GLG1: variants seen among roughly 807,000 people sequenced by gnomAD.
GLG1 encodes Golgi apparatus protein 1.
In GLG1, 38 loss-of-function variants were observed where a neutral mutation model predicts 160.5. The observed-to-expected ratio is 0.24, with a 90% confidence interval of 0.18 to 0.31. The LOEUF is 0.31. Ranked by LOEUF, GLG1 falls within the 10% of genes least tolerant of loss-of-function variation. GLG1 has a pLI of 1.00. For synonymous variants in GLG1, 644 were observed against 543.4 expected (o/e 1.19, Z -2.57); for missense variants, 1,373 against 1,505.2 (o/e 0.91, Z 1.45).
chr16:74,531,162 C>T (rs539018824), intron 2 of GLG1, among the ~76,000 whole-genome samples: 1 of 152,070 alleles, frequency 6.6e-6, no homozygotes, highest in Non-Finnish European at 1.5e-5. Flanking sequence ...TTGTACTTGA[C>T]TTACCTAGGT....
At chr16:74,567,610 G>A (rs1284580439) in intron 1 of GLG1, among the ~76,000 whole-genome samples, 9 of 138,810 alleles carry the variant, frequency 6.5e-5, no homozygotes, top group South Asian at 2.3e-4. Flanking sequence ...CGCCCAGGTC[G>A]GACTGCGGAC....
chr16:74,562,806 G>T (rs901702273), intron 1 of GLG1, among the ~76,000 whole-genome samples: 4 of 152,088 alleles, frequency 2.6e-5, no homozygotes, highest in Non-Finnish European at 5.9e-5. Context: ...CACCCACTGA[G>T]GACATTCAAA....
At chr16:74,597,919 G>A (rs996261116) in intron 1 of GLG1, among the ~76,000 whole-genome samples, 2 of 150,582 alleles carry the variant, frequency 1.3e-5, no homozygotes, top group Non-Finnish European at 3.0e-5. Flanking sequence ...ATGAGGCTGA[G>A]GCAGGAGAAT....
At chr16:74,554,276 G>A (rs1318506511) in intron 1 of GLG1, among the ~76,000 whole-genome samples, 1 of 152,242 alleles carries the variant, frequency 6.6e-6, no homozygotes, top group Non-Finnish European at 1.5e-5. Context: ...ACTCACGCCT[G>A]TAATCTCAGA....
chr16:74,583,515 G>A (rs964888643), intron 1 of GLG1, among the ~76,000 whole-genome samples: 2 of 152,062 alleles, frequency 1.3e-5, no homozygotes, highest in African/African-American at 4.8e-5. Context: ...TAGTAGCTGG[G>A]ATTACAGGCG....
chr16:74,459,699 T>G lies in GLG1; in HGVS notation c.3127A>C (p.Thr1043Pro). ...GTGGTTACCTTTTTACACAATTCTGTTTTGATCTTGAGCAGGTTGACCTTG... is the reference window on the plus strand; with the variant it reads ...GTGGTTACCTTTTTACACAATTCTGGTTTGATCTTGAGCAGGTTGACCTTG... ...CLKVNLLKIK[T>P]ELCKKEVLNM... The change falls in exon 23 of 26, where the codon ACA becomes CCA. Residue 1043 changes from threonine to proline, a missense_variant. Coordinates refer to ENST00000422840, the MANE Select transcript of GLG1 (RefSeq NM_001145667.2). 1 of 1,572,140 alleles carries G rather than the reference T, an allele frequency of 6.4e-7. No homozygotes were observed. The highest frequency in any genetic ancestry group is 8.7e-7 in the Non-Finnish European group (1 of 1,145,328).
intron 22 of GLG1, among the ~76,000 whole-genome samples, chr16:74,461,053 G>T (rs1031252819): frequency 6.6e-6 from 1 of 152,100 alleles, no homozygotes; most frequent in Non-Finnish European, 1.5e-5. Context: ...AACAGCTTTT[G>T]TTATGAGCTC....
chr16:74,513,429 C>G (rs891074194), intron 2 of GLG1, among the ~76,000 whole-genome samples: 1 of 152,130 alleles, frequency 6.6e-6, no homozygotes, highest in Non-Finnish European at 1.5e-5. Flanking sequence ...CCCTCTGGGA[C>G]GAAGCTTCCA....
At chr16:74,467,902 A>G (rs560556397) in intron 17 of GLG1, 54 bp from the exon 18 acceptor site, 8 of 1,196,188 alleles carry the variant, frequency 6.7e-6, no homozygotes, top group African/African-American at 6.0e-5. Flanking sequence ...TGGAGATGTC[A>G]TATGTTCTGG....
intron 1 of GLG1, among the ~76,000 whole-genome samples, chr16:74,583,274 T>G (rs899146227): frequency 6.6e-5 from 10 of 152,202 alleles, no homozygotes; most frequent in African/African-American, 2.4e-4. Flanking sequence ...CAAGAGTTAG[T>G]TCCAAGTTTA....
intron 1 of GLG1, among the ~76,000 whole-genome samples, chr16:74,579,469 C>T (rs1322612619): frequency 1.3e-5 from 2 of 152,008 alleles, no homozygotes; most frequent in African/African-American, 2.4e-5. Flanking sequence ...CGTCTGTAAT[C>T]CCAGCACTTT....
intron 21 of GLG1, 96 bp downstream of exon 21, chr16:74,462,392 G>C: frequency 1.7e-6 from 2 of 1,199,892 alleles, no homozygotes; most frequent in Non-Finnish European, 2.4e-6. Context: ...AAAAGGTCTT[G>C]GGAAAACGGG....
At chr16:74,506,604 A>C (rs868008614) in intron 3 of GLG1, among the ~76,000 whole-genome samples, 7 of 142,942 alleles carry the variant, frequency 4.9e-5, no homozygotes, top group African/African-American at 7.6e-5. Flanking sequence ...AAAAAAAAAA[A>C]CTCAAGAGAA....
chr16:74,452,505 A>T lies in GLG1; in HGVS notation c.*662T>A. ...AAATACCCATGGCTGTGGGGCTGTG[A>T]CCAGCAGTGGCTGATTAGGGTGGAA... On this transcript the variant is annotated 3_prime_UTR_variant, in exon 26 of 26. Transcript: ENST00000422840. 1 of 1,027,280 alleles carries T rather than the reference A, an allele frequency of 9.7e-7. No homozygotes were observed. The highest frequency in any genetic ancestry group is 8.4e-5 in the East Asian group (1 of 11,922). The allele number at this position is 1,027,280 out of a possible 1,614,324, so 63.6% of individuals were successfully genotyped here.
At chr16:74,510,904 G>C (rs1443451648) in intron 2 of GLG1, among the ~76,000 whole-genome samples, 2 of 152,140 alleles carry the variant, frequency 1.3e-5, no homozygotes, top group African/African-American at 2.4e-5. Context: ...AGTTTGGTCA[G>C]GGAAGATTTA....
chr16:74,450,951 A>G lies in GLG1; in HGVS notation c.*2216T>C, dbSNP rs1379359645. On this transcript the variant is annotated 3_prime_UTR_variant, in exon 26 of 26. Coordinates refer to ENST00000422840, the MANE Select transcript of GLG1 (RefSeq NM_001145667.2). ...TTTCTCTCAATTCAGAAAGAACAGA[A>G]ATATCAACACAATTAGAACTATAAG... is the stretch of plus-strand genomic sequence containing the variant. 1 of 152,224 alleles carries G rather than the reference A, an allele frequency of 6.6e-6. No homozygotes were observed. Among genetic ancestry groups the G allele is most frequent in the Non-Finnish European group, 1.5e-5 (1 of 68,028 alleles). 9.4% of individuals were successfully genotyped at this position (152,224 alleles called of 1,614,324 possible).
chr16:74,537,209 G>A lies in GLG1; in HGVS notation c.439-5056C>T, dbSNP rs554788846. Among the ~76,000 whole-genome samples, 6 of 152,220 alleles carry A rather than the reference G, an allele frequency of 3.9e-5. No individual in the cohort carries two copies. The East Asian group carries it at 1.2e-3, about 29-fold the overall frequency. ...GAATTTAGCACATCCCCATCCCAAT[G>A]CATCAGTGACTAAAACAGAGAAGGA... On this transcript the variant is annotated intron_variant, in intron 1 of 25. Transcript: ENST00000422840.
intron 15 of GLG1, among the ~76,000 whole-genome samples, chr16:74,470,693 C>T (rs1471644581): frequency 6.6e-6 from 1 of 152,134 alleles, no homozygotes; most frequent in Admixed American, 6.5e-5. Flanking sequence ...GGTGATCAGC[C>T]TGCCACAGCC....
rs148237817 is a variant in GLG1 at position 74,559,484 on chromosome 16, G to C, written c.439-27331C>G. On this transcript the variant is annotated intron_variant, in intron 1 of 25. Transcript: ENST00000422840. ...TAAGGCTGGGGGAGGAGGGGCGATG[G>C]GGGGGCAGGGGACAACACAAATACA... is the stretch of plus-strand genomic sequence containing the variant. Among the ~76,000 whole-genome samples the C allele has an allele frequency of 1.8e-3, 278 of 151,870 alleles. 4 individuals carry two copies. In the East Asian group the frequency reaches 0.04, roughly 22 times the overall value.
Sources: gnomAD v4.1 joint callset for allele counts (sites outside exome capture counted in the v4.1 genomes callset) on GRCh38, gnomAD v4.1.1 for gene constraint, MANE v1.5 for transcripts, NCBI Gene and HGNC (gene_info 2026-07-23, HGNC 2026-07-21) for gene names.